The following BLK variants were observed in gnomAD, a reference collection of about 807,000 sequenced individuals.
BLK encodes tyrosine-protein kinase Blk.
In BLK, 64 loss-of-function variants were observed where a neutral mutation model predicts 61.8. The ratio of observed to expected loss-of-function variants is 1.03; its 90% CI spans 0.85 to 1.27. The LOEUF (loss-of-function observed/expected upper bound fraction) is 1.27, where lower values mean the gene tolerates loss of function less well. Ranked by LOEUF, BLK falls within the 50% of genes most tolerant of loss-of-function variation. The pLI is 0.00. For missense variants in BLK, 853 were observed against 660.5 expected (o/e 1.29, Z -3.19); for synonymous variants, 351 against 272.0 (o/e 1.29, Z -2.86).
rs151108269 is a variant in BLK, at chr8:11,526,800, C to G, written c.-1-16424C>G. On this transcript the variant is annotated intron_variant, in intron 1 of 12. Transcript: ENST00000259089. ...TTCATCAGTAGGTTAGTACTCAAAACTTTTTCAGTTGAAAATCAGGCACTA... is the reference window on the plus strand; with the variant it reads ...TTCATCAGTAGGTTAGTACTCAAAAGTTTTTCAGTTGAAAATCAGGCACTA... Among the ~76,000 whole-genome samples, 23 of 152,066 alleles carry G rather than the reference C, an allele frequency of 1.5e-4. No homozygotes were observed. In the South Asian group the frequency reaches 2.7e-3, roughly 18 times the overall value.
At chr8:11,510,316 C>T (rs1224112481) in intron 1 of BLK, among the ~76,000 whole-genome samples, 1 of 152,054 alleles carries the variant, frequency 6.6e-6, no homozygotes, top group East Asian at 1.9e-4. Flanking sequence ...TATTTGCTGG[C>T]CAGGGTTACT....
chr8:11,538,815 G>A (rs1423920688), intron 1 of BLK, among the ~76,000 whole-genome samples: 3 of 152,196 alleles, frequency 2.0e-5, no homozygotes, highest in East Asian at 1.9e-4. Flanking sequence ...GCCACTTAAC[G>A]GTCATTGTCA....
chr8:11,552,227 A>T (rs1016808558), intron 6 of BLK, among the ~76,000 whole-genome samples: 2 of 152,212 alleles, frequency 1.3e-5, no homozygotes, highest in Non-Finnish European at 2.9e-5. Context: ...AAGCTGTCAT[A>T]GCACCCTGTG....
intron 2 of BLK, 50 bp downstream of exon 2, chr8:11,543,397 G>A (rs756230477): frequency 6.2e-6 from 10 of 1,605,706 alleles, no homozygotes; most frequent in African/African-American, 1.3e-5. Flanking sequence ...CTTCTCCTAT[G>A]CCTTAATGTC....
chr8:11,542,019 C>A (rs1214432350), intron 1 of BLK, among the ~76,000 whole-genome samples: 2 of 152,176 alleles, frequency 1.3e-5, no homozygotes, highest in Non-Finnish European at 2.9e-5. Context: ...TTTTTCGCTT[C>A]TGTGGCTTGC....
intron 12 of BLK, 72 bp from the exon 13 acceptor site, chr8:11,563,831 G>A: frequency 1.4e-6 from 2 of 1,444,054 alleles, no homozygotes; most frequent in Non-Finnish European, 1.9e-6. Flanking sequence ...TGTGCCCCGC[G>A]GGACGCTCAG....
intron 1 of BLK, among the ~76,000 whole-genome samples, chr8:11,505,842 T>G (rs975209977): frequency 8.5e-5 from 13 of 152,208 alleles, no homozygotes; most frequent in African/African-American, 3.1e-4. Context: ...GAGGACTCCC[T>G]GGCACACATG....
rs775438519 is a variant in BLK at position 11,561,272 on chromosome 8, C to A, written c.1030-30C>A. ...CGGTCTTGGCGTGGAGGCCCCCAGG[C>A]TGTCCTTCACCATGTGCCTGTTCCC... On this transcript the variant is annotated intron_variant, in intron 10 of 12. Transcript: ENST00000259089. 3.7e-6 allele frequency: 6 copies of A among 1,607,108 alleles called. No individual in the cohort carries two copies. In the South Asian group the frequency reaches 6.7e-5, roughly 18 times the overall value.
At chr8:11,498,377 C>T (rs975793292) in intron 1 of BLK, among the ~76,000 whole-genome samples, 11 of 152,174 alleles carry the variant, frequency 7.2e-5, no homozygotes, top group Non-Finnish European at 1.2e-4. Context: ...CTCTGAGCTC[C>T]GTGAACTTGT....
rs1425356719 is a variant in BLK, at chr8:11,564,421, C to A, written c.*313C>A. On this transcript the variant is annotated 3_prime_UTR_variant, in exon 13 of 13. Coordinates refer to ENST00000259089, the MANE Select transcript of BLK (RefSeq NM_001715.3). ...GGTAAGCGACTGTCATCAAGTAAGGCCCCCGTGCTGGGCACCCCCCGTGCT... is the reference window on the plus strand; with the variant it reads ...GGTAAGCGACTGTCATCAAGTAAGGACCCCGTGCTGGGCACCCCCCGTGCT... 3.3e-6 allele frequency: 2 copies of A among 604,642 alleles called. No individual in the cohort carries two copies. Among genetic ancestry groups the A allele is most frequent in the Non-Finnish European group, 6.2e-6 (2 of 321,926 alleles). 37.5% of individuals were successfully genotyped at this position (604,642 alleles called of 1,614,324 possible). A position where few individuals can be genotyped will look rare whatever the true frequency, so the allele number is the denominator to read the frequency against.
intron 1 of BLK, among the ~76,000 whole-genome samples, chr8:11,526,551 T>C (rs573598888): frequency 6.6e-6 from 1 of 152,236 alleles, no homozygotes; most frequent in African/African-American, 2.4e-5. Context: ...AAACCCCATC[T>C]CTAATACAAA....
At chr8:11,513,870 G>A (rs1301051389) in intron 1 of BLK, among the ~76,000 whole-genome samples, 1 of 152,188 alleles carries the variant, frequency 6.6e-6, no homozygotes, top group East Asian at 1.9e-4. Flanking sequence ...TGGGGTAATG[G>A]AGCAGCTGGG....
Position 11,561,383 on chromosome 8 carries a change from G to A in BLK, c.1111G>A (p.Ala371Thr). Reference sequence around the variant, plus strand: ...GGCGGCCAACATCCTGGTGTCTGAGGCCTTGTGCTGCAAAATTGCTGATTT... The same window carrying A: ...GGCGGCCAACATCCTGGTGTCTGAGACCTTGTGCTGCAAAATTGCTGATTT... ...LRAANILVSE[A>T]LCCKIADFGL... Residue 371 changes from alanine to threonine, a missense_variant, in exon 11 of 13, where the codon GCC (alanine) becomes ACC (threonine). Transcript: ENST00000259089. 6.2e-7 allele frequency: 1 copy of A among 1,614,134 alleles called. No homozygotes were observed. Among genetic ancestry groups the A allele is most frequent in the Non-Finnish European group, 8.5e-7 (1 of 1,180,026 alleles).
chr8:11,540,894 C>G (rs985723604), intron 1 of BLK, among the ~76,000 whole-genome samples: 1 of 150,272 alleles, frequency 6.7e-6, no homozygotes, highest in Non-Finnish European at 1.5e-5. Flanking sequence ...ATATCTGTTA[C>G]AAAGCCAGCG....
At chr8:11,553,601 C>A in intron 6 of BLK, 1 of 206,250 alleles carries the variant, frequency 4.8e-6, no homozygotes, top group Non-Finnish European at 1.0e-5. Context: ...GAGAGAAAAG[C>A]CCTTGATGAA....
intron 1 of BLK, among the ~76,000 whole-genome samples, chr8:11,535,304 GAAAGAAAGAA>G (rs1486235177): frequency 2.8e-5 from 4 of 144,208 alleles, no homozygotes; most frequent in Non-Finnish European, 4.6e-5. Context: ...AAGAAAGAAA[GAAAGAAAGAA>G]AGAAAGAAAG....
chr8:11,504,727 C>A (rs1403222316), intron 1 of BLK, among the ~76,000 whole-genome samples: 1 of 152,174 alleles, frequency 6.6e-6, no homozygotes, highest in Non-Finnish European at 1.5e-5. Context: ...AGGAGTGTGC[C>A]CCCTGTTCCC....
intron 1 of BLK, among the ~76,000 whole-genome samples, chr8:11,503,532 C>T (rs567057836): frequency 2.6e-5 from 4 of 152,292 alleles, no homozygotes; most frequent in African/African-American, 9.6e-5. Flanking sequence ...AAGCCTTATA[C>T]AGGGTGACCC....
At chr8:11,495,106 A>G (rs1458271259) in intron 1 of BLK, among the ~76,000 whole-genome samples, 2 of 152,238 alleles carry the variant, frequency 1.3e-5, no homozygotes, top group Non-Finnish European at 2.9e-5. Context: ...AACTGAATAG[A>G]TGTAATGATG....
Sources: gnomAD v4.1 joint callset for allele counts (sites outside exome capture counted in the v4.1 genomes callset) on GRCh38, gnomAD v4.1.1 for gene constraint, MANE v1.5 for transcripts, NCBI Gene and HGNC (gene_info 2026-07-23, HGNC 2026-07-21) for gene names.